Variants in MIB1 observed in about 807,000 individuals in gnomAD.
MIB1 encodes the protein E3 ubiquitin-protein ligase MIB1.
A neutral mutation model predicts 124.5 loss-of-function variants in MIB1; 278 were observed. The observed-to-expected ratio is 2.23, with a 90% CI of 2.02 to 2.47. The LOEUF (loss-of-function observed/expected upper bound fraction) is 2.47, where lower values mean the gene tolerates loss of function less well. MIB1 is among the 30% of genes most tolerant of loss of function. The pLI is 0.00. For synonymous variants in MIB1, 446 were observed against 429.4 expected (o/e 1.04, Z -0.48); for missense variants, 957 against 1,254.4 (o/e 0.76, Z 3.58).
intron 4 of MIB1, among the ~76,000 whole-genome samples, chr18:21,775,705 T>G (rs1267773724): frequency 6.6e-6 from 1 of 152,242 alleles, no homozygotes; most frequent in Non-Finnish European, 1.5e-5. Context: ...AACTGATTGT[T>G]AATTTTCTTC....
intron 1 of MIB1, among the ~76,000 whole-genome samples, chr18:21,754,534 C>T (rs1209328337): frequency 6.6e-6 from 1 of 152,134 alleles, no homozygotes; most frequent in African/African-American, 2.4e-5. Context: ...ATAACCCTTA[C>T]TTGACTTTAT....
At chr18:21,731,050 T>A (rs1035633116) in intron 1 of MIB1, among the ~76,000 whole-genome samples, 4 of 152,212 alleles carry the variant, frequency 2.6e-5, no homozygotes, top group Non-Finnish European at 5.9e-5. Flanking sequence ...AACTTGTACT[T>A]ACCTTTCAAC....
intron 1 of MIB1, among the ~76,000 whole-genome samples, chr18:21,758,615 A>G (rs1472521728): frequency 6.6e-6 from 1 of 151,884 alleles, no homozygotes; most frequent in Non-Finnish European, 1.5e-5. Flanking sequence ...ACTCACTGCA[A>G]CCTCCGCCTC....
intron 10 of MIB1, chr18:21,812,609 T>G (rs1206261209): frequency 2.0e-5 from 3 of 152,196 alleles, no homozygotes; most frequent in African/African-American, 7.2e-5. Context: ...TGACTGTGAC[T>G]TACAGATACT....
chr18:21,858,304 G>T (rs1452615786), intron 19 of MIB1, among the ~76,000 whole-genome samples: 1 of 152,184 alleles, frequency 6.6e-6, no homozygotes, highest in African/African-American at 2.4e-5. Flanking sequence ...TCTGGATTGT[G>T]CTCTGGCTGA....
chr18:21,804,054 TC>T, intron 10 of MIB1, 40 bp downstream of exon 10: 27 of 1,387,282 alleles, frequency 1.9e-5, no homozygotes, highest in Non-Finnish European at 2.6e-5. Context: ...AACATTTATT[TC>T]CTAGAAATAA....
chr18:21,825,410 A>G (rs1383026197), intron 12 of MIB1: 1 of 284,408 alleles, frequency 3.5e-6, no homozygotes, highest in African/African-American at 2.3e-5. Flanking sequence ...TGTTGTTATT[A>G]TGAAGCATAG....
At chr18:21,822,665 A>T (rs1425908897) in intron 12 of MIB1, among the ~76,000 whole-genome samples, 1 of 148,770 alleles carries the variant, frequency 6.7e-6, no homozygotes, top group South Asian at 2.2e-4. Flanking sequence ...GATGTTTTGA[A>T]TTCTTTTTTT....
chr18:21,736,334 A>G (rs1052776921), upstream of MIB1, among the ~76,000 whole-genome samples: 3 of 152,226 alleles, frequency 2.0e-5, no homozygotes, highest in African/African-American at 7.2e-5. Flanking sequence ...TAGTATCAAC[A>G]TCAACAAAAA....
chr18:21,754,029 C>T (rs1386722494), intron 1 of MIB1, among the ~76,000 whole-genome samples: 1 of 152,140 alleles, frequency 6.6e-6, no homozygotes, highest in African/African-American at 2.4e-5. Flanking sequence ...CACCTCCTAA[C>T]CCCCATCTCT....
intron 1 of MIB1, among the ~76,000 whole-genome samples, chr18:21,711,720 G>T (rs967014565): frequency 3.9e-5 from 6 of 151,992 alleles, no homozygotes; most frequent in Non-Finnish European, 8.8e-5. Context: ...TTTTGACAAG[G>T]TTTTGCTCTG....
chr18:21,722,573 G>A (rs545409087), intron 1 of MIB1, among the ~76,000 whole-genome samples: 1 of 151,610 alleles, frequency 6.6e-6, no homozygotes, highest in Non-Finnish European at 1.5e-5. Flanking sequence ...GTTTCACCAT[G>A]TGGGCCAGAC....
At chr18:21,833,064 G>GT (rs2033164759) in intron 12 of MIB1, among the ~76,000 whole-genome samples, 1 of 152,208 alleles carries the variant, frequency 6.6e-6, no homozygotes, top group South Asian at 2.1e-4. Context: ...AGGCACAGAA[G>GT]TTAAGTAATC....
At chr18:21,764,662 A>G (rs1474673258) in intron 1 of MIB1, among the ~76,000 whole-genome samples, 1 of 152,222 alleles carries the variant, frequency 6.6e-6, no homozygotes, top group African/African-American at 2.4e-5. Context: ...ACCCAACTTC[A>G]GCACGGCTAA....
intron 12 of MIB1, among the ~76,000 whole-genome samples, chr18:21,824,606 G>A (rs2187072): frequency 0.99 from 150,338 of 152,124 alleles, 74,320 homozygotes; most frequent in East Asian, 1. Context: ...TGTGACTGAG[G>A]TGTAATTAAT....
intron 1 of MIB1, among the ~76,000 whole-genome samples, chr18:21,721,705 G>A (rs1396795498): frequency 2.6e-5 from 4 of 152,030 alleles, no homozygotes; most frequent in Non-Finnish European, 5.9e-5. Context: ...TAGCTTGTGG[G>A]TAGGGTGAAA....
At chr18:21,752,910 A>G (rs1378090925) in intron 1 of MIB1, among the ~76,000 whole-genome samples, 4 of 149,736 alleles carry the variant, frequency 2.7e-5, no homozygotes, top group Non-Finnish European at 5.9e-5. Context: ...TAATGAAAAC[A>G]TAAGTAAAAT....
chr18:21,820,933 C>T (rs1165335506), intron 12 of MIB1, among the ~76,000 whole-genome samples: 1 of 152,222 alleles, frequency 6.6e-6, no homozygotes, highest in African/African-American at 2.4e-5. Flanking sequence ...GTATTATGGT[C>T]TGTCTGTGAA....
chr18:21,708,980 G>A (rs944170274), intron 1 of MIB1, among the ~76,000 whole-genome samples: 9 of 152,136 alleles, frequency 5.9e-5, no homozygotes, highest in Non-Finnish European at 1.3e-4. Context: ...AACTCCAGAA[G>A]GGCCAGAGAA....
Sources: allele counts gnomAD v4.1 joint callset (sites outside exome capture counted in the v4.1 genomes callset), GRCh38; gene constraint gnomAD v4.1.1; transcripts MANE v1.5; gene names NCBI Gene and HGNC (gene_info 2026-07-23, HGNC 2026-07-21).